Variants in SLC16A10 observed in about 807,000 individuals in gnomAD.
SLC16A10 encodes the protein monocarboxylate transporter 10.
In SLC16A10, 27 loss-of-function variants were observed where a neutral mutation model predicts 40.0. The ratio of observed to expected loss-of-function variants is 0.67; its 90% CI spans 0.50 to 0.93. SLC16A10 has a LOEUF of 0.93. Ranked by LOEUF, SLC16A10 falls within the 40% of genes least tolerant of loss-of-function variation. The probability of loss-of-function intolerance (pLI) is 0.00; values close to 1 mark genes in which losing one functional copy is unlikely to be tolerated. For missense variants in SLC16A10, 529 were observed against 658.2 expected, an observed-to-expected ratio of 0.80 and a Z score of 2.15; for synonymous variants, 213 against 249.8, an observed-to-expected ratio of 0.85 and a Z score of 1.39.
intron 1 of SLC16A10, among the ~76,000 whole-genome samples, chr6:111,089,199 C>T (rs2114418631): frequency 6.6e-6 from 1 of 152,126 alleles, no homozygotes; most frequent in South Asian, 2.1e-4. Context: ...GTAATAAATT[C>T]TGAGACAAAG....
chr6:111,178,284 A>C, intron 3 of SLC16A10: 1 of 463,538 alleles, frequency 2.2e-6, no homozygotes, highest in Non-Finnish European at 4.4e-6. Context: ...AATTCTATTC[A>C]GAGGAATATC....
chr6:111,177,775 T>C (rs1772714005), intron 3 of SLC16A10, 110 bp downstream of exon 3: 7 of 967,404 alleles, frequency 7.2e-6, no homozygotes, highest in Non-Finnish European at 1.0e-5. Context: ...ATCCTGGTTG[T>C]AATTTTGGTA....
At chr6:111,191,041 T>C (rs1183798348) in intron 3 of SLC16A10, among the ~76,000 whole-genome samples, 2 of 152,240 alleles carry the variant, frequency 1.3e-5, no homozygotes, top group Non-Finnish European at 2.9e-5. Flanking sequence ...TATTATACTT[T>C]AAGTTATGGA....
At chr6:111,099,672 G>T (rs941953375) in intron 1 of SLC16A10, among the ~76,000 whole-genome samples, 1 of 152,058 alleles carries the variant, frequency 6.6e-6, no homozygotes, top group South Asian at 2.1e-4. Context: ...GGGCAAATAG[G>T]CTATTTTTTC....
chr6:111,175,374 G>A (rs1326595400), intron 2 of SLC16A10, among the ~76,000 whole-genome samples: 1 of 152,220 alleles, frequency 6.6e-6, no homozygotes, highest in East Asian at 1.9e-4. Flanking sequence ...GAAGCTCTGT[G>A]GTTTTCCAAC....
chr6:111,217,449 G>GTTGTTGT (rs1554262113), intron 4 of SLC16A10, among the ~76,000 whole-genome samples: 3 of 151,802 alleles, frequency 2.0e-5, no homozygotes, highest in African/African-American at 7.3e-5. Flanking sequence ...TGTTGTTGTT[G>GTTGTTGT]TTGTTGTTGT....
intron 1 of SLC16A10, among the ~76,000 whole-genome samples, chr6:111,132,815 G>GA (rs1297863678): frequency 6.6e-6 from 1 of 152,132 alleles, no homozygotes; most frequent in Non-Finnish European, 1.5e-5. Context: ...GTAATTGAGG[G>GA]AAAAAACCAC....
chr6:111,186,790 C>T (rs1772905388), intron 3 of SLC16A10, among the ~76,000 whole-genome samples: 1 of 152,100 alleles, frequency 6.6e-6, no homozygotes, highest in Admixed American at 6.5e-5. Flanking sequence ...ACTTTCTATC[C>T]CTATCATTAT....
intron 1 of SLC16A10, among the ~76,000 whole-genome samples, chr6:111,141,528 GGT>G (rs1401946388): frequency 2.0e-5 from 3 of 152,120 alleles, no homozygotes; most frequent in African/African-American, 7.2e-5. Context: ...TGGGTGTGGT[GGT>G]GCATGCCTGT....
At chr6:111,218,590 G>T (rs917333487) in intron 4 of SLC16A10, among the ~76,000 whole-genome samples, 2 of 151,896 alleles carry the variant, frequency 1.3e-5, no homozygotes, top group Non-Finnish European at 2.9e-5. Flanking sequence ...AAAACAATAC[G>T]TTTTTTTAAT....
intron 1 of SLC16A10, among the ~76,000 whole-genome samples, chr6:111,169,143 T>C (rs2114537630): frequency 6.6e-6 from 1 of 152,248 alleles, no homozygotes; most frequent in East Asian, 1.9e-4. Flanking sequence ...ATGGTGTCTG[T>C]GTTGAATTTG....
At chr6:111,136,380 C>T (rs1311311247) in intron 1 of SLC16A10, among the ~76,000 whole-genome samples, 16 of 152,272 alleles carry the variant, frequency 1.1e-4, no homozygotes, top group East Asian at 3.8e-4. Context: ...CGGGTAGTGG[C>T]GGCAGTAGCA....
In SLC16A10 at chr6:111,229,522, G is replaced by T. The variant is rs1276030767; in HGVS notation, c.*7287G>T. 6.6e-6 allele frequency: 1 copy of T among 152,158 alleles called. No homozygotes were observed. The highest frequency in any genetic ancestry group is 1.9e-4 in the East Asian group (1 of 5,200). The allele number at this position is 152,158 out of a possible 1,614,324, so 9.4% of individuals were successfully genotyped here. A position where few individuals can be genotyped will look rare whatever the true frequency, so the allele number is the denominator to read the frequency against. ...AAGTTATATATAATAGCTTCCTATT[G>T]AGCTGGCTTATGTAGACATTTGGAC... On this transcript the variant is annotated 3_prime_UTR_variant, in exon 6 of 6. Transcript: ENST00000368851.
intron 3 of SLC16A10, among the ~76,000 whole-genome samples, chr6:111,183,289 C>G (rs529541507): frequency 1.2e-4 from 18 of 152,272 alleles, no homozygotes; most frequent in African/African-American, 4.1e-4. Flanking sequence ...GCTCCTATTA[C>G]TCCTTTTCTT....
chr6:111,214,857 T>C (rs890188209), intron 4 of SLC16A10, among the ~76,000 whole-genome samples: 5 of 152,072 alleles, frequency 3.3e-5, no homozygotes. Context: ...CGGTGGCTCA[T>C]GCCTGTAATC....
chr6:111,091,556 A>G (rs1324964195), intron 1 of SLC16A10, among the ~76,000 whole-genome samples: 1 of 152,192 alleles, frequency 6.6e-6, no homozygotes, highest in Admixed American at 6.5e-5. Flanking sequence ...AAGTGTAGAG[A>G]GACTTCCATA....
chr6:111,150,984 G>A lies in SLC16A10; in HGVS notation c.344-21711G>A, dbSNP rs1339895205. Among the ~76,000 whole-genome samples the A allele has an allele frequency of 2.0e-5, 3 of 152,100 alleles. No individual in the cohort carries two copies. In the East Asian group the frequency reaches 5.8e-4, roughly 29 times the overall value. ...TTTGCAAATGTGAGGTATGCTCTCAGGAAAATTATATATCTGTTAAAATTC... is the reference window on the plus strand; with the variant it reads ...TTTGCAAATGTGAGGTATGCTCTCAAGAAAATTATATATCTGTTAAAATTC... On this transcript the variant is annotated intron_variant, in intron 1 of 5. Coordinates refer to ENST00000368851, the MANE Select transcript of SLC16A10 (RefSeq NM_018593.5).
intron 3 of SLC16A10, among the ~76,000 whole-genome samples, chr6:111,187,621 C>T (rs1583351633): frequency 6.6e-6 from 1 of 152,174 alleles, no homozygotes; most frequent in South Asian, 2.1e-4. Context: ...CTTATTACAG[C>T]CCAGCCTGTA....
At chr6:111,144,701 A>C (rs985396926) in intron 1 of SLC16A10, among the ~76,000 whole-genome samples, 1 of 152,230 alleles carries the variant, frequency 6.6e-6, no homozygotes, top group Non-Finnish European at 1.5e-5. Context: ...TGGGGTAATA[A>C]ATATATTCAT....
Sources: gnomAD v4.1 joint callset for allele counts (sites outside exome capture counted in the v4.1 genomes callset) on GRCh38, gnomAD v4.1.1 for gene constraint, MANE v1.5 for transcripts, NCBI Gene and HGNC (gene_info 2026-07-23, HGNC 2026-07-21) for gene names.